The following KDM5B variants were observed in gnomAD, a reference collection of about 807,000 sequenced individuals.
The protein encoded by KDM5B is lysine-specific demethylase 5B.
A neutral mutation model predicts 193.4 loss-of-function variants in KDM5B; 144 were observed. That is an observed-to-expected ratio of 0.74 (90% CI 0.65 to 0.86). The LOEUF is 0.86. Among genes scored for constraint, KDM5B ranks in the 40% least tolerant of loss-of-function variants. The pLI is 0.00. For missense variants in KDM5B, 1,833 were observed against 1,886.9 expected, an observed-to-expected ratio of 0.97 and a Z score of 0.53; for synonymous variants, 668 against 682.6, an observed-to-expected ratio of 0.98 and a Z score of 0.33.
intron 20 of KDM5B, among the ~76,000 whole-genome samples, chr1:202,740,342 GC>G (rs1655272491): frequency 7.5e-6 from 1 of 132,810 alleles, no homozygotes; most frequent in African/African-American, 2.6e-5. Flanking sequence ...GGACGGGGTG[GC>G]CGGCCGGGCG....
rs1655755588 is a variant in KDM5B, at chr1:202,750,727, C to T, written c.1753G>A (p.Ala585Thr). The T allele has an allele frequency of 6.2e-7, 1 of 1,613,864 alleles. No homozygotes were observed. The highest frequency in any genetic ancestry group is 8.5e-7 in the Non-Finnish European group (1 of 1,179,778). Residue 585 changes from alanine to threonine, a missense_variant, in exon 13 of 27, where the codon GCC becomes ACC. This residue lies in a region of KDM5B where 1,379 missense variants were observed against 1,349.6 expected (regional missense o/e 1.02). Transcript: ENST00000367265. ...AGEFVITFPR[A>T]YHSGFNQGFN... ...CCCTGGTTAAAACCACTGTGGTAGGCTCTTGGAAATGTAATCACAAACTCC... is the reference window on the plus strand; with the variant it reads ...CCCTGGTTAAAACCACTGTGGTAGGTTCTTGGAAATGTAATCACAAACTCC...
intron 1 of KDM5B, among the ~76,000 whole-genome samples, chr1:202,802,636 GC>G (rs1558523225): frequency 6.6e-6 from 1 of 151,918 alleles, no homozygotes; most frequent in African/African-American, 2.4e-5. Context: ...CAAGCGATCC[GC>G]CCACTTAGGC....
chr1:202,793,967 T>C (rs752522493), intron 1 of KDM5B, among the ~76,000 whole-genome samples: 3 of 152,192 alleles, frequency 2.0e-5, no homozygotes, highest in Non-Finnish European at 1.5e-5. Flanking sequence ...CTGGAAAATT[T>C]GGTGGCTGTT....
chr1:202,770,240 T>G (rs1460480962), intron 4 of KDM5B, among the ~76,000 whole-genome samples: 1 of 152,196 alleles, frequency 6.6e-6, no homozygotes, highest in Non-Finnish European at 1.5e-5. Context: ...TTACAGGTGA[T>G]TAATATCATC....
chr1:202,796,123 CT>C (rs1352177027), intron 1 of KDM5B: 3 of 218,400 alleles, frequency 1.4e-5, no homozygotes, highest in Admixed American at 5.6e-5. Flanking sequence ...CGTGACACCC[CT>C]GGACATGGTG....
Position 202,762,737 on chromosome 1 carries a change from C to T in KDM5B, c.880G>A (p.Glu294Lys). ...RKDYIVENEKEKPKSRSKKAT... is the reference protein window; with the variant it reads ...RKDYIVENEKKKPKSRSKKAT... Reference sequence around the variant, plus strand: ...TTTTTAGATCGACTCTTGGGCTTTTCCTTCTCATTTTCTACAATATAATCT... The same window carrying T: ...TTTTTAGATCGACTCTTGGGCTTTTTCTTCTCATTTTCTACAATATAATCT... Residue 294 changes from glutamate (E) to lysine (K), a missense_variant, in exon 7 of 27, where the codon GAA becomes AAA. Glu to Lys is a moderately conservative substitution (Grantham distance 56, BLOSUM62 1). Around this residue, in one of 3 missense-constraint regions of KDM5B, gnomAD observed 355 missense variants for 374.9 expected, o/e 0.95. Coordinates refer to ENST00000367265, the MANE Select transcript of KDM5B (RefSeq NM_006618.5). 1 of 1,610,012 alleles carries T rather than the reference C, an allele frequency of 6.2e-7. No individual in the cohort carries two copies. The highest frequency in any genetic ancestry group is 8.5e-7 in the Non-Finnish European group (1 of 1,176,372).
At chr1:202,802,676 G>A (rs1572787670) in intron 1 of KDM5B, among the ~76,000 whole-genome samples, 4 of 152,032 alleles carry the variant, frequency 2.6e-5, no homozygotes, top group East Asian at 1.9e-4. Flanking sequence ...TTACAGGCAC[G>A]AGCCACTATG....
intron 1 of KDM5B, among the ~76,000 whole-genome samples, chr1:202,787,015 C>CT (rs1657441577): frequency 6.6e-6 from 1 of 151,864 alleles, no homozygotes. Flanking sequence ...TCAAGTTTCC[C>CT]TTTTTTTTCT....
Position 202,755,403 on chromosome 1 carries a change from T to C in KDM5B, c.1406A>G (p.Gln469Arg). The C allele has an allele frequency of 6.2e-7, 1 of 1,614,036 alleles. No individual in the cohort carries two copies. Among genetic ancestry groups the C allele is most frequent in the Non-Finnish European group, 8.5e-7 (1 of 1,179,890 alleles). ...WNLNNMPVME[Q>R]SVLAHITADI... The stretch of plus-strand genomic sequence containing the variant: ...AGCAGTAATATGTGCAAGGACAGAC[T>C]GCTCCATCACTGGCATGTTGTTCAA... Residue 469 changes from glutamine (Q) to arginine (R), a missense_variant, in exon 11 of 27, where the codon CAG (glutamine) becomes CGG (arginine). By Grantham distance (43) the Gln-to-Arg change is conservative (BLOSUM62 1). Transcript: ENST00000367265.
At chr1:202,744,838 CACAT>C (rs1339310409) in intron 16 of KDM5B, among the ~76,000 whole-genome samples, 2 of 152,142 alleles carry the variant, frequency 1.3e-5, no homozygotes, top group Non-Finnish European at 2.9e-5. Flanking sequence ...TTTATAAAGA[CACAT>C]GCATGTGTAT....
At chr1:202,800,587 G>A (rs1305461485) in intron 1 of KDM5B, among the ~76,000 whole-genome samples, 1 of 151,658 alleles carries the variant, frequency 6.6e-6, no homozygotes, top group Non-Finnish European at 1.5e-5. Flanking sequence ...CGATCCTCCT[G>A]CCTGGAGCCT....
intron 4 of KDM5B, chr1:202,767,524 G>C: frequency 1.5e-6 from 1 of 649,166 alleles, no homozygotes. Flanking sequence ...CGGTGTGCAA[G>C]GACTGAAAGG....
At chr1:202,786,813 G>A (rs1184019028) in intron 1 of KDM5B, among the ~76,000 whole-genome samples, 1 of 152,014 alleles carries the variant, frequency 6.6e-6, no homozygotes, top group African/African-American at 2.4e-5. Flanking sequence ...TTGGGAGGTT[G>A]AAGTGGGTGG....
rs778421375 is a variant in KDM5B at position 202,750,645 on chromosome 1, T to C, written c.1821+14A>G. On this transcript the variant is annotated intron_variant, in intron 13 of 26. Coordinates refer to ENST00000367265, the MANE Select transcript of KDM5B (RefSeq NM_006618.5). ...AATAAATTTGAAAAGGTTAACTACATTGTAATTACATACCCAATCAACAGT... is the reference window on the plus strand; with the variant it reads ...AATAAATTTGAAAAGGTTAACTACACTGTAATTACATACCCAATCAACAGT... 1.2e-5 allele frequency: 19 copies of C among 1,611,762 alleles called. No homozygotes were observed. The highest frequency in any genetic ancestry group is 5.4e-5 in the African/African-American group (4 of 74,732).
chr1:202,736,779 T>C (rs796614826), intron 20 of KDM5B, among the ~76,000 whole-genome samples: 19 of 152,194 alleles, frequency 1.2e-4, no homozygotes, highest in African/African-American at 4.3e-4. Flanking sequence ...GTAGCTGGGA[T>C]TACAGGCACC....
chr1:202,733,989 T>A, intron 22 of KDM5B, 103 bp from the exon 23 acceptor site: 1 of 1,375,106 alleles, frequency 7.3e-7, no homozygotes, highest in Non-Finnish European at 9.9e-7. Context: ...GAGTAGATCA[T>A]CTGTATTCAA....
chr1:202,766,960 G>A lies in KDM5B; in HGVS notation c.677C>T (p.Pro226Leu), dbSNP rs1656489403. The A allele has an allele frequency of 1.3e-6, 2 of 1,584,088 alleles. No individual in the cohort carries two copies. Among genetic ancestry groups the A allele is most frequent in the Non-Finnish European group, 1.7e-6 (2 of 1,172,904 alleles). ...CATGCGTTTTGCTCGTCGGGCTGGG[G>A]GGCACGTTTCCGAAGGCTGCACAGA... ...RQSVQPSETC[P>L]PARRAKRMRA... The change falls in exon 5 of 27, where the codon CCC becomes CTC. Residue 226 changes from proline (P) to leucine (L), a missense_variant. Physicochemically the swap from Pro to Leu is moderately conservative, Grantham distance 98. This residue lies in a region of KDM5B where 355 missense variants were observed against 374.9 expected (regional missense o/e 0.95). Transcript: ENST00000367265.
intron 1 of KDM5B, among the ~76,000 whole-genome samples, chr1:202,799,776 A>C (rs1658001461): frequency 6.6e-6 from 1 of 152,254 alleles, no homozygotes; most frequent in Non-Finnish European, 1.5e-5. Context: ...TAAATTTCAC[A>C]GCATTTTACA....
chr1:202,729,544 C>A, intron 26 of KDM5B, 163 bp downstream of exon 26: 1 of 633,354 alleles, frequency 1.6e-6, no homozygotes, highest in Non-Finnish European at 2.7e-6. Context: ...GACCCAGGAA[C>A]GATGGTAAGA....
Sources: allele counts gnomAD v4.1 joint callset (sites outside exome capture counted in the v4.1 genomes callset), GRCh38; gene constraint gnomAD v4.1.1; regional missense constraint gnomAD v4.1.1; transcripts MANE v1.5; gene names NCBI Gene and HGNC (gene_info 2026-07-23, HGNC 2026-07-21).